CCDC3: variants seen among roughly 807,000 people sequenced by gnomAD.
CCDC3 encodes coiled-coil domain containing 3, also known as coiled-coil domain-containing protein 3.
In CCDC3, 24 loss-of-function variants were observed where a neutral mutation model predicts 21.4. The observed-to-expected ratio is 1.12, with a 90% CI of 0.81 to 1.58. The LOEUF (loss-of-function observed/expected upper bound fraction) is 1.58, where lower values mean the gene tolerates loss of function less well. Ranked by LOEUF, CCDC3 falls within the 40% of genes most tolerant of loss-of-function variation. The probability of loss-of-function intolerance (pLI) is 0.00; values close to 1 mark genes in which losing one functional copy is unlikely to be tolerated. For missense variants in CCDC3, 425 were observed against 360.9 expected, an observed-to-expected ratio of 1.18 and a Z score of -1.44; for synonymous variants, 186 against 166.0, an observed-to-expected ratio of 1.12 and a Z score of -0.93.
chr10:12,950,836 A>T (rs1469320876), intron 2 of CCDC3, among the ~76,000 whole-genome samples: 2 of 152,130 alleles, frequency 1.3e-5, no homozygotes, highest in Non-Finnish European at 2.9e-5. Flanking sequence ...TGAGGAAGAT[A>T]TGGGGGGCTT....
At chr10:12,987,327 T>A (rs1255613204) in intron 2 of CCDC3, among the ~76,000 whole-genome samples, 1 of 152,226 alleles carries the variant, frequency 6.6e-6, no homozygotes, top group Non-Finnish European at 1.5e-5. Context: ...GGAAGGATTT[T>A]CTATGTGGAT....
At position 13,001,550 on chromosome 10, in the gene CCDC3, G is replaced by T; in HGVS notation, c.21C>A (p.Leu7=). MLRQLL[L]AALCLAGPPA... The stretch of plus-strand genomic sequence containing the variant: ...GGGGACCCGCCAGGCAGAGCGCGGC[G>T]AGCAGCAGCTGGCGCAGCATGCCGG... Residue 7 remains leucine (L), a synonymous_variant, in exon 1 of 3, where the codon CTC becomes CTA. Coordinates refer to ENST00000378825, the MANE Select transcript of CCDC3 (RefSeq NM_031455.4). 1.6e-6 allele frequency: 2 copies of T among 1,263,262 alleles called. No individual in the cohort carries two copies. The highest frequency in any genetic ancestry group is 2.0e-6 in the Non-Finnish European group (2 of 1,005,878). 78.3% of individuals were successfully genotyped at this position (1,263,262 alleles called of 1,614,324 possible). A position where few individuals can be genotyped will look rare whatever the true frequency, so the allele number is the denominator to read the frequency against.
chr10:13,090,058 T>TGG (rs1564345334), intron 3 of CCDC3, among the ~76,000 whole-genome samples: 1 of 135,186 alleles, frequency 7.4e-6, no homozygotes, highest in Non-Finnish European at 1.5e-5. Flanking sequence ...TATATATATA[T>TGG]ATATATATAT....
At position 12,898,414 on chromosome 10, in the gene CCDC3, C is replaced by T. The variant is rs767510355; in HGVS notation, c.*2G>A. 2 of 1,594,338 alleles carry T rather than the reference C, an allele frequency of 1.3e-6. No homozygotes were observed. The highest frequency in any genetic ancestry group is 1.7e-5 in the Admixed American group (1 of 57,986). ...CTGCACACCTGGCAGCCCCCAGGCC[C>T]GTTACCCCCGCAGGTAGGGGGGGCG... On this transcript the variant is annotated 3_prime_UTR_variant, in exon 3 of 3. Coordinates refer to ENST00000378825, the MANE Select transcript of CCDC3 (RefSeq NM_031455.4).
chr10:13,028,314 C>T (rs1785227176), intron 5 of CCDC3, among the ~76,000 whole-genome samples: 1 of 152,162 alleles, frequency 6.6e-6, no homozygotes, highest in African/African-American at 2.4e-5. Flanking sequence ...GCTCCTCCTT[C>T]ACCTTCTGAC....
chr10:12,900,706 A>C (rs1041431273), intron 2 of CCDC3, among the ~76,000 whole-genome samples: 20 of 149,136 alleles, frequency 1.3e-4, no homozygotes, highest in African/African-American at 2.5e-4. Flanking sequence ...AAAAAAAAAA[A>C]AAACAAACTC....
intron 3 of CCDC3, among the ~76,000 whole-genome samples, chr10:13,089,885 T>A (rs1299185283): frequency 6.9e-6 from 1 of 144,820 alleles, no homozygotes; most frequent in African/African-American, 2.5e-5. Context: ...TCTTACGCCA[T>A]TGCATCCTCA....
At chr10:12,917,026 G>T (rs281849) in intron 2 of CCDC3, among the ~76,000 whole-genome samples, 25,707 of 151,986 alleles carry the variant, frequency 0.17, 2,513 homozygotes, top group African/African-American at 0.26. Context: ...GCCCTTGCAT[G>T]GCACTGGGTT....
intron 2 of CCDC3, among the ~76,000 whole-genome samples, chr10:12,907,836 C>T (rs755095510): frequency 2.6e-5 from 4 of 151,890 alleles, no homozygotes; most frequent in South Asian, 2.1e-4. Flanking sequence ...CAGGATGTGA[C>T]GCAGATGAGG....
rs74227244 is a variant in CCDC3 at position 13,069,420 on chromosome 10, G to T, written c.-270+4448C>A. On this transcript the variant is annotated intron_variant, in intron 4 of 6. Transcript: ENST00000378839. ...TGCTCTTTAGCAAAATTTGTAAAAG[G>T]TTATAAAAGGTTTTTTGCTTTTTTA... 6.7e-3 allele frequency among the ~76,000 whole-genome samples: 1,019 copies of T among 152,290 alleles called. 39 individuals are homozygous for T. The South Asian group carries it at 0.088, about 13-fold the overall frequency.
intron 2 of CCDC3, among the ~76,000 whole-genome samples, chr10:12,941,280 A>G (rs552682037): frequency 2.0e-5 from 3 of 152,362 alleles, no homozygotes; most frequent in Non-Finnish European, 2.9e-5. Context: ...AAGGGGAGGC[A>G]TAAGTAATCC....
intron 2 of CCDC3, among the ~76,000 whole-genome samples, chr10:12,976,569 C>T (rs1389573803): frequency 6.6e-6 from 1 of 152,208 alleles, no homozygotes; most frequent in African/African-American, 2.4e-5. Flanking sequence ...TGACTTTTCT[C>T]ATCTGATCCA....
At chr10:12,940,111 T>C (rs909272519) in intron 2 of CCDC3, among the ~76,000 whole-genome samples, 1 of 152,102 alleles carries the variant, frequency 6.6e-6, no homozygotes, top group East Asian at 1.9e-4. Flanking sequence ...CAGAACCCCA[T>C]TGGTGGATGT....
intron 4 of CCDC3, among the ~76,000 whole-genome samples, chr10:13,050,456 CTTTTTTTT>C (rs35126304): frequency 1.0e-5 from 1 of 98,596 alleles, no homozygotes; most frequent in Non-Finnish European, 2.0e-5. Flanking sequence ...ATTATTTATT[CTTTTTTTT>C]TTTTTTTTTT....
chr10:13,015,991 G>T (rs1284879666), intron 5 of CCDC3, among the ~76,000 whole-genome samples: 1 of 151,974 alleles, frequency 6.6e-6, no homozygotes, highest in African/African-American at 2.4e-5. Context: ...TTGAGGGAAT[G>T]AATACCCTAT....
At chr10:12,925,371 T>C (rs1211102372) in intron 2 of CCDC3, among the ~76,000 whole-genome samples, 2 of 151,204 alleles carry the variant, frequency 1.3e-5, no homozygotes, top group African/African-American at 4.9e-5. Context: ...TCCTTTTCCC[T>C]CTTTAAAGTC....
intron 5 of CCDC3, among the ~76,000 whole-genome samples, chr10:13,029,142 C>G (rs1008486498): frequency 6.6e-6 from 1 of 152,178 alleles, no homozygotes; most frequent in African/African-American, 2.4e-5. Context: ...CCACTGCCCA[C>G]TCTACGGTTT....
chr10:13,034,889 G>T (rs1836358148), intron 5 of CCDC3, among the ~76,000 whole-genome samples: 1 of 152,134 alleles, frequency 6.6e-6, no homozygotes, highest in Non-Finnish European at 1.5e-5. Context: ...AGCCAGGCAT[G>T]TTGGCGGATG....
intron 3 of CCDC3, among the ~76,000 whole-genome samples, chr10:13,090,734 G>A (rs1242770862): frequency 6.6e-6 from 1 of 152,188 alleles, no homozygotes; most frequent in Non-Finnish European, 1.5e-5. Context: ...GGTATTAGGA[G>A]GTGTTATTAG....
Sources: gnomAD v4.1 joint callset for allele counts (sites outside exome capture counted in the v4.1 genomes callset) on GRCh38, gnomAD v4.1.1 for gene constraint, MANE v1.5 for transcripts, NCBI Gene and HGNC (gene_info 2026-07-23, HGNC 2026-07-21) for gene names.